LRMDA: variants seen among roughly 807,000 people sequenced by gnomAD.
LRMDA encodes the protein leucine-rich melanocyte differentiation-associated protein.
A neutral mutation model predicts 29.8 loss-of-function variants in LRMDA; 18 were observed. That is an observed-to-expected ratio of 0.60 (90% CI 0.42 to 0.90). The LOEUF (loss-of-function observed/expected upper bound fraction) is 0.90. Ranked by LOEUF, LRMDA falls within the 40% of genes least tolerant of loss-of-function variation. The pLI is 0.00. For synonymous variants in LRMDA, 125 were observed against 109.4 expected, an observed-to-expected ratio of 1.14 and a Z score of -0.89; for missense variants, 273 against 273.9, an observed-to-expected ratio of 1.00 and a Z score of 0.02.
At chr10:75,627,547 A>G (rs1841266413) in intron 2 of LRMDA, among the ~76,000 whole-genome samples, 1 of 152,226 alleles carries the variant, frequency 6.6e-6, no homozygotes, top group African/African-American at 2.4e-5. Flanking sequence ...GGCTGTTCAA[A>G]CACAGTCCAT....
At chr10:76,300,807 T>C (rs1371362112) in intron 5 of LRMDA, among the ~76,000 whole-genome samples, 1 of 152,210 alleles carries the variant, frequency 6.6e-6, no homozygotes, top group East Asian at 1.9e-4. Flanking sequence ...GAATATAGAA[T>C]CAGAATGGAA....
At chr10:75,924,978 T>G (rs1159488215) in intron 2 of LRMDA, among the ~76,000 whole-genome samples, 2 of 152,332 alleles carry the variant, frequency 1.3e-5, no homozygotes, top group Non-Finnish European at 2.9e-5. Context: ...TGGGTGGCTT[T>G]CTTACAAGTG....
chr10:75,693,989 A>G (rs567867085), intron 2 of LRMDA, among the ~76,000 whole-genome samples: 124 of 152,310 alleles, frequency 8.1e-4, no homozygotes, highest in African/African-American at 3.0e-3. Context: ...GCTGTTAATA[A>G]TGTTCTGGGG....
At chr10:75,677,803 A>G (rs912398896) in intron 2 of LRMDA, among the ~76,000 whole-genome samples, 10 of 152,302 alleles carry the variant, frequency 6.6e-5, no homozygotes, top group African/African-American at 2.2e-4. Context: ...CTCCTCAACT[A>G]AAAATTGGAC....
At chr10:76,535,520 T>C (rs372333432) in intron 6 of LRMDA, among the ~76,000 whole-genome samples, 9 of 152,262 alleles carry the variant, frequency 5.9e-5, no homozygotes, top group Admixed American at 2.6e-4. Context: ...TACAGATTAA[T>C]AAAAATTGAT....
intron 2 of LRMDA, among the ~76,000 whole-genome samples, chr10:75,844,593 T>G (rs996015553): frequency 6.6e-6 from 1 of 152,238 alleles, no homozygotes; most frequent in African/African-American, 2.4e-5. Flanking sequence ...TTGAATTTAC[T>G]TGTGGCACTT....
chr10:75,592,476 G>A (rs1208835947), intron 2 of LRMDA, among the ~76,000 whole-genome samples: 2 of 152,204 alleles, frequency 1.3e-5, no homozygotes, highest in Non-Finnish European at 2.9e-5. Context: ...CCTCCACCGC[G>A]GAGATCTGGG....
intron 2 of LRMDA, among the ~76,000 whole-genome samples, chr10:75,535,277 A>G (rs950495069): frequency 6.6e-6 from 1 of 152,116 alleles, no homozygotes; most frequent in African/African-American, 2.4e-5. Context: ...TTGACACACC[A>G]TCAACAACCT....
At chr10:76,413,076 C>A (rs958164420) in intron 6 of LRMDA, among the ~76,000 whole-genome samples, 1 of 152,158 alleles carries the variant, frequency 6.6e-6, no homozygotes, top group Non-Finnish European at 1.5e-5. Flanking sequence ...TTATGCCACT[C>A]TCTCGATGCT....
chr10:76,215,377 T>C (rs959961504), intron 5 of LRMDA, among the ~76,000 whole-genome samples: 1 of 152,200 alleles, frequency 6.6e-6, no homozygotes, highest in Non-Finnish European at 1.5e-5. Context: ...TCCCCATATC[T>C]GGCAGACATT....
intron 2 of LRMDA, among the ~76,000 whole-genome samples, chr10:75,756,967 T>G (rs1843039530): frequency 6.6e-6 from 1 of 152,226 alleles, no homozygotes; most frequent in African/African-American, 2.4e-5. Context: ...TGTATTAGTC[T>G]TGAACTATAG....
At position 76,006,973 on chromosome 10, in the gene LRMDA, A is replaced by G. The variant is rs987710576; in HGVS notation, c.132-29035A>G. Among the ~76,000 whole-genome samples the G allele has an allele frequency of 9.1e-5, 11 of 121,014 alleles. No individual in the cohort carries two copies. The East Asian group carries it at 3.5e-3, about 39-fold the overall frequency. 79.4% of individuals were successfully genotyped at this position (121,014 alleles called of 152,430 possible). ...CCCTGGTCCTGCTAAAGTTTGCAGG[A>G]TGGAGAAGGCGTGTGTGTGTGTGTG... On this transcript the variant is annotated intron_variant, in intron 2 of 6. Coordinates refer to ENST00000611255, the MANE Select transcript of LRMDA (RefSeq NM_001305581.2).
At chr10:76,508,799 T>C (rs1842982850) in intron 6 of LRMDA, among the ~76,000 whole-genome samples, 1 of 152,206 alleles carries the variant, frequency 6.6e-6, no homozygotes, top group Non-Finnish European at 1.5e-5. Flanking sequence ...TTAGCAATCC[T>C]ACATTTTTAA....
At chr10:75,583,519 C>A (rs565966583) in intron 2 of LRMDA, among the ~76,000 whole-genome samples, 1 of 152,128 alleles carries the variant, frequency 6.6e-6, no homozygotes, top group Non-Finnish European at 1.5e-5. Flanking sequence ...CCAAGGAAGA[C>A]GGTGCTAAAC....
intron 2 of LRMDA, among the ~76,000 whole-genome samples, chr10:75,578,265 TAA>T (rs1203468594): frequency 8.8e-6 from 1 of 113,070 alleles, no homozygotes; most frequent in Non-Finnish European, 1.9e-5. Context: ...GAGTCTCTGA[TAA>T]AACAGACTTT....
chr10:75,698,310 C>T (rs7896847), intron 2 of LRMDA, among the ~76,000 whole-genome samples: 5,414 of 152,256 alleles, frequency 0.036, 248 homozygotes, highest in African/African-American at 0.11. Context: ...TAGCATCTCT[C>T]GGCTTCATTT....
intron 2 of LRMDA, among the ~76,000 whole-genome samples, chr10:75,755,052 T>C (rs948859256): frequency 3.9e-5 from 6 of 152,090 alleles, no homozygotes; most frequent in Non-Finnish European, 8.8e-5. Flanking sequence ...GTTTTTTTTT[T>C]TGTTTGTTTT....
chr10:75,891,605 A>G (rs924109004), intron 2 of LRMDA, among the ~76,000 whole-genome samples: 4 of 152,148 alleles, frequency 2.6e-5, no homozygotes, highest in African/African-American at 9.7e-5. Flanking sequence ...GTTTTATTGT[A>G]TATTAGAGGG....
chr10:76,471,885 C>T (rs1842621308), intron 6 of LRMDA, among the ~76,000 whole-genome samples: 1 of 151,676 alleles, frequency 6.6e-6, no homozygotes, highest in Admixed American at 6.6e-5. Flanking sequence ...CAATCATAAA[C>T]ATATAGACAT....
Sources: allele counts gnomAD v4.1 joint callset (sites outside exome capture counted in the v4.1 genomes callset), GRCh38; gene constraint gnomAD v4.1.1; transcripts MANE v1.5; gene names NCBI Gene and HGNC (gene_info 2026-07-23, HGNC 2026-07-21).